The following KIR3DL1 variants were observed in gnomAD, a reference collection of about 807,000 sequenced individuals.
The protein encoded by KIR3DL1 is killer cell immunoglobulin-like receptor 3DL1.
In KIR3DL1, 50 loss-of-function variants were observed where a neutral mutation model predicts 40.3. The ratio of observed to expected loss-of-function variants is 1.24; its 90% CI spans 0.99 to 1.57. The LOEUF is 1.57. Among genes scored for constraint, KIR3DL1 ranks in the 40% most tolerant of loss-of-function variants. The pLI, the probability that KIR3DL1 is intolerant of heterozygous loss-of-function variation, is 0.00. For missense variants in KIR3DL1, 661 were observed against 559.9 expected (o/e 1.18, Z -1.82); for synonymous variants, 257 against 207.2 (o/e 1.24, Z -2.07).
At chr19:54,824,939 G>A (rs1569457338) in intron 5 of KIR3DL1, 89 bp from the exon 6 acceptor site, 17 of 982,772 alleles carry the variant, frequency 1.7e-5, no homozygotes, top group South Asian at 4.1e-5. Flanking sequence ...AGATAACAGA[G>A]TGTTGGCCAT....
rs764496017 is a variant in KIR3DL1 at position 54,818,640 on chromosome 19, C to T, written c.355+41C>T. On this transcript the variant is annotated intron_variant, in intron 3 of 8. Coordinates refer to ENST00000391728, the Ensembl canonical transcript of KIR3DL1. ...TCTGGGCTTCTCACTGTCCCACCTC[C>T]TGAATCCCAGAGCTTCTGGTGGGGG... 185 of 1,583,940 alleles carry T rather than the reference C, an allele frequency of 1.2e-4. 8 individuals are homozygous for T. Among genetic ancestry groups the T allele is most frequent in the Non-Finnish European group, 2.0e-5 (24 of 1,171,036 alleles).
chr19:54,821,692 C>A (rs2061646606), exon 5 of KIR3DL1: 1 of 1,609,532 alleles, frequency 6.2e-7, no homozygotes, highest in Non-Finnish European at 8.5e-7. Context: ...AGGGGGGAGC[C>A]CATGAACGTA....
At chr19:54,820,821 G>C (rs1204093754) in intron 4 of KIR3DL1, among the ~76,000 whole-genome samples, 1 of 151,242 alleles carries the variant, frequency 6.6e-6, no homozygotes, top group African/African-American at 2.4e-5. Context: ...AGATAAATAT[G>C]TGGGGATGGA....
At chr19:54,818,429 A>G (rs1438894561) in exon 3 of KIR3DL1, 3 of 1,607,624 alleles carry the variant, frequency 1.9e-6, no homozygotes, top group South Asian at 2.2e-5. Flanking sequence ...ATGCTATACA[A>G]AGAAGACAGA....
At position 54,829,982 on chromosome 19, in the gene KIR3DL1, T is replaced by C; in HGVS notation, c.1158+2T>C. 2 of 1,528,264 alleles carry C rather than the reference T, an allele frequency of 1.3e-6. No homozygotes were observed. The allele number at this position is 1,528,264 out of a possible 1,614,324, so 94.7% of individuals were successfully genotyped here. A position where few individuals can be genotyped will look rare whatever the true frequency, so the allele number is the denominator to read the frequency against. ...GGGAACAGAACAGCCAACAGCGAGG[T>C]AGGTGCTCCTCGGCCCAGCCTCGTG... On this transcript the variant is annotated splice_donor_variant, in intron 8 of 8. Coordinates refer to ENST00000391728, the Ensembl canonical transcript of KIR3DL1. LOFTEE classifies it high-confidence loss of function.
intron 7 of KIR3DL1, among the ~76,000 whole-genome samples, 186 bp downstream of exon 7, chr19:54,829,651 G>A: frequency 7.0e-6 from 1 of 142,398 alleles, no homozygotes; most frequent in Admixed American, 7.3e-5. Flanking sequence ...ACCGTTGCCT[G>A]ATTCTGAACT....
chr19:54,819,595 G>C, intron 3 of KIR3DL1, 118 bp from the exon 4 acceptor site: 1 of 1,234,720 alleles, frequency 8.1e-7, no homozygotes, highest in Admixed American at 2.1e-5. Flanking sequence ...AAAAGACACG[G>C]AGATGCAGAG....
At chr19:54,821,831 A>G in exon 5 of KIR3DL1, 1 of 1,602,848 alleles carries the variant, frequency 6.2e-7, no homozygotes, top group Non-Finnish European at 8.5e-7. Context: ...GTCAGACCCG[A>G]GTGACCCACT....
chr19:54,826,400 C>G (rs1377880518), intron 6 of KIR3DL1, among the ~76,000 whole-genome samples: 2 of 149,146 alleles, frequency 1.3e-5, no homozygotes, highest in Non-Finnish European at 3.0e-5. Flanking sequence ...CTGCAACCTG[C>G]GTCTCCTGGA....
chr19:54,827,431 G>C (rs2061960883), intron 6 of KIR3DL1, among the ~76,000 whole-genome samples: 1 of 143,956 alleles, frequency 6.9e-6, no homozygotes, highest in Non-Finnish European at 1.5e-5. Context: ...TCTCTACATG[G>C]TGAAACCCTA....
chr19:54,820,516 C>T (rs1406731884), intron 4 of KIR3DL1, among the ~76,000 whole-genome samples: 1 of 151,430 alleles, frequency 6.6e-6, no homozygotes, highest in Non-Finnish European at 1.5e-5. Context: ...GATATCATGG[C>T]CCCTGAACAC....
chr19:54,827,548 G>A (rs1449665236), intron 6 of KIR3DL1, among the ~76,000 whole-genome samples: 1 of 150,670 alleles, frequency 6.6e-6, no homozygotes, highest in African/African-American at 2.5e-5. Flanking sequence ...CCAGGAGGTG[G>A]AGGTTGCAGT....
chr19:54,819,926 C>A, exon 4 of KIR3DL1: 1 of 1,612,092 alleles, frequency 6.2e-7, no homozygotes, highest in African/African-American at 1.3e-5. Context: ...CTTGCCCTTG[C>A]AGGGACCTAC....
chr19:54,818,251 G>C, intron 2 of KIR3DL1, 64 bp from the exon 3 acceptor site: 1 of 1,515,222 alleles, frequency 6.6e-7, no homozygotes, highest in Non-Finnish European at 9.0e-7. Context: ...GAATCTTCTG[G>C]GCACTGGGAG....
exon 3 of KIR3DL1, chr19:54,818,426 A>G (rs1165510561): frequency 1.9e-6 from 3 of 1,607,650 alleles, no homozygotes; most frequent in South Asian, 1.1e-5. Context: ...TTCATGCTAT[A>G]CAAAGAAGAC....
chr19:54,826,707 T>C lies in KIR3DL1; in HGVS notation c.1000+1629T>C, dbSNP rs2061911130. Among the ~76,000 whole-genome samples, 5 of 149,398 alleles carry C rather than the reference T, an allele frequency of 3.3e-5. 1 individual carries two copies. Among genetic ancestry groups the C allele is most frequent in the Admixed American group, 3.3e-4 (5 of 14,960 alleles). The stretch of plus-strand genomic sequence containing the variant: ...ACTAATCAGATATTTGTGACATTAA[T>C]GAAAAACACGGATTGAACCCCTGAA... On this transcript the variant is annotated intron_variant, in intron 6 of 8. Coordinates refer to ENST00000391728, the Ensembl canonical transcript of KIR3DL1.
chr19:54,826,770 C>T (rs536119826), intron 6 of KIR3DL1, among the ~76,000 whole-genome samples: 9,971 of 104,754 alleles, frequency 0.095, 3 homozygotes, highest in Middle Eastern at 0.13. Context: ...AGCTGTCAGC[C>T]GTGAAGGCAG....
rs748525951 is a variant in KIR3DL1 at position 54,829,370 on chromosome 19, G to T, written c.1010G>T (p.Arg337Ile). 7 of 1,482,360 alleles carry T rather than the reference G, an allele frequency of 4.7e-6. 1 individual carries two copies. The highest frequency in any genetic ancestry group is 6.5e-6 in the Non-Finnish European group (7 of 1,082,696). 91.8% of individuals were successfully genotyped at this position (1,482,360 alleles called of 1,614,324 possible). ...TCTCCTCTTCTTCCAGGTAACCCCA[G>T]ACACCTGCACATTCTGATTGGGACC... Residue 337 changes from arginine (R) to isoleucine (I), a missense_variant, in exon 7 of 9, where the codon AGA becomes ATA. Physicochemically the swap from Arg to Ile is moderately conservative, Grantham distance 97. Around this residue, in one of 3 missense-constraint regions of KIR3DL1, gnomAD observed 107 missense variants for 129.4 expected, o/e 0.83. Transcript: ENST00000391728.
chr19:54,822,277 A>G (rs923348720), intron 5 of KIR3DL1, among the ~76,000 whole-genome samples: 1 of 151,224 alleles, frequency 6.6e-6, no homozygotes, highest in Admixed American at 6.6e-5. Context: ...GGTTAAATGT[A>G]ACTATATAAT....
Sources: allele counts gnomAD v4.1 joint callset (sites outside exome capture counted in the v4.1 genomes callset), GRCh38; gene constraint gnomAD v4.1.1; regional missense constraint gnomAD v4.1.1; transcripts MANE v1.5; gene names NCBI Gene and HGNC (gene_info 2026-07-23, HGNC 2026-07-21).